CDC42SE2: variants seen among roughly 807,000 people sequenced by gnomAD.
CDC42SE2 encodes the protein CDC42 small effector 2.
In CDC42SE2, 3 loss-of-function variants were observed where a neutral mutation model predicts 11.5. The observed-to-expected ratio is 0.26, with a 90% confidence interval of 0.12 to 0.67. The LOEUF (loss-of-function observed/expected upper bound fraction) is 0.67. Ranked by LOEUF, CDC42SE2 falls within the 30% of genes least tolerant of loss-of-function variation. The probability of loss-of-function intolerance (pLI) is 0.80; values close to 1 mark genes in which losing one functional copy is unlikely to be tolerated. For missense variants in CDC42SE2, 82 were observed against 106.8 expected, an observed-to-expected ratio of 0.77 and a Z score of 1.02; for synonymous variants, 33 against 34.8, an observed-to-expected ratio of 0.95 and a Z score of 0.18.
At chr5:131,389,068 T>C (rs1750573996) in intron 4 of CDC42SE2, among the ~76,000 whole-genome samples, 1 of 152,194 alleles carries the variant, frequency 6.6e-6, no homozygotes, top group South Asian at 2.1e-4. Flanking sequence ...ACTCCTGGGC[T>C]CAAGTTATCT....
intron 3 of CDC42SE2, among the ~76,000 whole-genome samples, chr5:131,378,555 T>C (rs1322798012): frequency 6.6e-6 from 1 of 152,256 alleles, no homozygotes; most frequent in African/African-American, 2.4e-5. Flanking sequence ...ATGGTGCCTC[T>C]AGGCCAAGAG....
At chr5:131,378,177 T>A (rs1312959091) in intron 3 of CDC42SE2, among the ~76,000 whole-genome samples, 2 of 152,196 alleles carry the variant, frequency 1.3e-5, no homozygotes, top group Non-Finnish European at 1.5e-5. Context: ...TCTCAAAGAA[T>A]GAGTAGGGAG....
intron 1 of CDC42SE2, among the ~76,000 whole-genome samples, chr5:131,274,627 G>A (rs1580724968): frequency 1.3e-5 from 2 of 152,090 alleles, no homozygotes; most frequent in African/African-American, 4.8e-5. Flanking sequence ...TTTCCATATC[G>A]TTTATAAAAA....
chr5:131,249,689 C>T (rs967893665), intron 1 of CDC42SE2, among the ~76,000 whole-genome samples: 2 of 152,104 alleles, frequency 1.3e-5, no homozygotes, highest in Non-Finnish European at 2.9e-5. Flanking sequence ...AACTTTTGTT[C>T]GACAGCTTTA....
chr5:131,347,053 C>A (rs1045343894), intron 2 of CDC42SE2, among the ~76,000 whole-genome samples: 11 of 152,036 alleles, frequency 7.2e-5, no homozygotes, highest in African/African-American at 2.7e-4. Context: ...CAGGAAAGAT[C>A]TAAAATTGAC....
At chr5:131,360,021 T>C (rs1469663706) in intron 3 of CDC42SE2, among the ~76,000 whole-genome samples, 1 of 152,198 alleles carries the variant, frequency 6.6e-6, no homozygotes, top group Non-Finnish European at 1.5e-5. Flanking sequence ...ATATAGCTTG[T>C]CAGTGGTCTT....
chr5:131,341,686 A>T (rs1580766270), intron 2 of CDC42SE2, among the ~76,000 whole-genome samples: 1 of 152,230 alleles, frequency 6.6e-6, no homozygotes, highest in East Asian at 1.9e-4. Flanking sequence ...TTTGGAAATT[A>T]CAGGTGTTTT....
intron 1 of CDC42SE2, among the ~76,000 whole-genome samples, chr5:131,251,235 C>T (rs911848483): frequency 2.8e-4 from 43 of 152,050 alleles, no homozygotes; most frequent in East Asian, 1.9e-4. Context: ...TTTTGTAGTG[C>T]GCAAAAGAAT....
intron 1 of CDC42SE2, among the ~76,000 whole-genome samples, chr5:131,278,632 A>G (rs1198407049): frequency 6.7e-6 from 1 of 148,226 alleles, no homozygotes; most frequent in East Asian, 2.1e-4. Context: ...TCAGCAGACC[A>G]CTGGCAGTGG....
chr5:131,311,106 T>C (rs1757899782), intron 1 of CDC42SE2, among the ~76,000 whole-genome samples: 2 of 152,240 alleles, frequency 1.3e-5, no homozygotes, highest in South Asian at 4.2e-4. Context: ...TGTTTAGTGC[T>C]TCCTTCAGGA....
At chr5:131,305,285 A>G (rs1757757801) in intron 1 of CDC42SE2, among the ~76,000 whole-genome samples, 4 of 152,230 alleles carry the variant, frequency 2.6e-5, no homozygotes, top group Admixed American at 1.3e-4. Flanking sequence ...TGTTAAAAGA[A>G]AAACTTTAGA....
intron 3 of CDC42SE2, among the ~76,000 whole-genome samples, chr5:131,378,028 TAGGA>T (rs910274675): frequency 9.8e-5 from 15 of 152,318 alleles, no homozygotes; most frequent in Admixed American, 8.5e-4. Context: ...CTTAGTAGTG[TAGGA>T]AAATCAAACT....
rs1425353087 is a variant in CDC42SE2, at chr5:131,392,488, G to T, written c.*1397G>T. On this transcript the variant is annotated 3_prime_UTR_variant, in exon 5 of 5. Transcript: ENST00000505065. ...TCATTTTCATAGAAAAAGATTACTT[G>T]TAGCTTATTTTAGAAGTATGACCTT... 1.3e-5 allele frequency: 2 copies of T among 152,484 alleles called. No individual in the cohort carries two copies. Among genetic ancestry groups the T allele is most frequent in the African/African-American group, 4.8e-5 (2 of 41,450 alleles). 9.4% of individuals were successfully genotyped at this position (152,484 alleles called of 1,614,324 possible).
intron 1 of CDC42SE2, among the ~76,000 whole-genome samples, chr5:131,276,970 C>G (rs1470451129): frequency 6.6e-6 from 1 of 152,004 alleles, no homozygotes; most frequent in Non-Finnish European, 1.5e-5. Flanking sequence ...GAACTCCTGA[C>G]CTCAGATGAT....
chr5:131,344,913 C>CT (rs1758802333), intron 2 of CDC42SE2, among the ~76,000 whole-genome samples: 1 of 152,196 alleles, frequency 6.6e-6, no homozygotes, highest in Non-Finnish European at 1.5e-5. Context: ...CCAGCAAACT[C>CT]CAACAGACCT....
intron 2 of CDC42SE2, among the ~76,000 whole-genome samples, chr5:131,256,474 A>G (rs1315720765): frequency 6.6e-6 from 1 of 152,204 alleles, no homozygotes; most frequent in Non-Finnish European, 1.5e-5. Context: ...AACAACATCC[A>G]TTTATTAGTT....
intron 1 of CDC42SE2, among the ~76,000 whole-genome samples, chr5:131,270,942 T>C (rs1329680682): frequency 1.3e-5 from 2 of 151,620 alleles, no homozygotes; most frequent in Admixed American, 6.6e-5. Flanking sequence ...AGAAAAGATA[T>C]AGGGGGGAAG....
intron 1 of CDC42SE2, among the ~76,000 whole-genome samples, chr5:131,273,767 CAAA>C (rs768842175): frequency 3.0e-5 from 3 of 100,458 alleles, no homozygotes; most frequent in African/African-American, 3.5e-5. Flanking sequence ...GACTCCGTCT[CAAA>C]AAAAAAAAAA....
intron 1 of CDC42SE2, among the ~76,000 whole-genome samples, chr5:131,272,910 A>G (rs1488578683): frequency 6.6e-6 from 1 of 152,182 alleles, no homozygotes; most frequent in Non-Finnish European, 1.5e-5. Flanking sequence ...TGTAGAAGCA[A>G]TAGCAGCATT....
Sources: allele counts gnomAD v4.1 joint callset (sites outside exome capture counted in the v4.1 genomes callset), GRCh38; gene constraint gnomAD v4.1.1; transcripts MANE v1.5; gene names NCBI Gene and HGNC (gene_info 2026-07-23, HGNC 2026-07-21).